Variants in ZNF410 observed in about 807,000 individuals in gnomAD.
ZNF410 encodes another partner for ARF 1.
ZNF410 carries 18 observed loss-of-function variants against 54.8 expected under a neutral mutation model. The ratio of observed to expected loss-of-function variants is 0.33; its 90% CI spans 0.23 to 0.49. The LOEUF (loss-of-function observed/expected upper bound fraction) is 0.49. ZNF410 is among the 20% of genes least tolerant of loss of function. ZNF410 has a pLI of 0.99. For synonymous variants in ZNF410, 191 were observed against 207.3 expected (o/e 0.92, Z 0.68); for missense variants, 405 against 569.6 (o/e 0.71, Z 2.94).
chr14:73,917,033 A>C (rs1223139778), intron 8 of ZNF410, among the ~76,000 whole-genome samples: 1 of 152,256 alleles, frequency 6.6e-6, no homozygotes, highest in Non-Finnish European at 1.5e-5. Flanking sequence ...TTTCGGTGGA[A>C]AGAACTAAAG....
chr14:73,909,986 A>G (rs1219255816), intron 8 of ZNF410, among the ~76,000 whole-genome samples: 1 of 152,184 alleles, frequency 6.6e-6, no homozygotes, highest in Non-Finnish European at 1.5e-5. Flanking sequence ...GCCTTAAATT[A>G]ATTCCCTGCA....
intron 8 of ZNF410, among the ~76,000 whole-genome samples, chr14:73,918,400 T>A (rs2055701592): frequency 6.6e-6 from 1 of 152,062 alleles, no homozygotes; most frequent in South Asian, 2.1e-4. Flanking sequence ...GCGCCTGGCC[T>A]GTTATTTTTT....
intron 1 of ZNF410, among the ~76,000 whole-genome samples, chr14:73,889,655 A>G (rs1025914189): frequency 5.9e-5 from 9 of 152,136 alleles, no homozygotes; most frequent in South Asian, 4.1e-4. Context: ...TCCTCTCTAA[A>G]TAGAGGGATG....
chr14:73,925,243 G>A (rs1367645598), intron 11 of ZNF410, among the ~76,000 whole-genome samples: 1 of 152,164 alleles, frequency 6.6e-6, no homozygotes, highest in African/African-American at 2.4e-5. Context: ...GCTTTGGAAT[G>A]AATCATACAT....
intron 5 of ZNF410, 37 bp from the exon 6 acceptor site, chr14:73,903,923 T>TCAGATA (rs2055444392): frequency 1.9e-6 from 3 of 1,612,620 alleles, no homozygotes; most frequent in Non-Finnish European, 1.7e-6. Context: ...CTGAGTAGGG[T>TCAGATA]CTTTCCCTGG....
At chr14:73,909,083 C>T (rs1279534137) in intron 7 of ZNF410, among the ~76,000 whole-genome samples, 1 of 152,172 alleles carries the variant, frequency 6.6e-6, no homozygotes, top group African/African-American at 2.4e-5. Context: ...TAATGCAACT[C>T]TCCAGCTCTT....
At chr14:73,912,458 C>T (rs1391047619) in intron 8 of ZNF410, among the ~76,000 whole-genome samples, 1 of 152,308 alleles carries the variant, frequency 6.6e-6, no homozygotes, top group East Asian at 1.9e-4. Flanking sequence ...CGTGCCACCA[C>T]ACCCAGCCAA....
chr14:73,904,500 G>C (rs996124794), intron 6 of ZNF410, among the ~76,000 whole-genome samples: 3 of 152,160 alleles, frequency 2.0e-5, no homozygotes, highest in Non-Finnish European at 4.4e-5. Context: ...ATCTCACTTT[G>C]TCACCCAGGG....
At chr14:73,905,847 TATAA>T (rs1302624975) in intron 7 of ZNF410, among the ~76,000 whole-genome samples, 1 of 151,478 alleles carries the variant, frequency 6.6e-6, no homozygotes, top group Non-Finnish European at 1.5e-5. Flanking sequence ...AAAATGCATA[TATAA>T]AAATATAAGG....
chr14:73,910,513 G>A (rs1430149485), intron 8 of ZNF410, among the ~76,000 whole-genome samples: 2 of 152,114 alleles, frequency 1.3e-5, no homozygotes, highest in Admixed American at 1.3e-4. Flanking sequence ...GGAGGCCGAG[G>A]CAGGTGGATC....
intron 8 of ZNF410, among the ~76,000 whole-genome samples, chr14:73,919,886 GTTTTT>G (rs1158550117): frequency 1.9e-4 from 12 of 62,044 alleles, no homozygotes; most frequent in African/African-American, 7.4e-4. Context: ...TATTGTATAG[GTTTTT>G]TTTTTTTTTT....
chr14:73,931,461 T>A, intron 11 of ZNF410, 42 bp from the exon 12 acceptor site: 2 of 1,558,412 alleles, frequency 1.3e-6, no homozygotes, highest in Non-Finnish European at 8.8e-7. Flanking sequence ...TTTCTATAAT[T>A]CAACTGTAAC....
At chr14:73,907,004 A>G (rs1436075198) in intron 7 of ZNF410, among the ~76,000 whole-genome samples, 3 of 152,170 alleles carry the variant, frequency 2.0e-5, no homozygotes, top group Non-Finnish European at 4.4e-5. Context: ...AATTAATATA[A>G]TAATAAAAGT....
intron 8 of ZNF410, among the ~76,000 whole-genome samples, chr14:73,917,387 C>T (rs1219111911): frequency 6.6e-6 from 1 of 151,796 alleles, no homozygotes; most frequent in Admixed American, 6.6e-5. Flanking sequence ...TACCATGTTC[C>T]CTCCCTCCTT....
At chr14:73,922,406 A>G in intron 10 of ZNF410, 200 bp downstream of exon 10, 2 of 389,402 alleles carry the variant, frequency 5.1e-6, no homozygotes, top group Non-Finnish European at 8.8e-6. Context: ...ATAATATAAT[A>G]AAAGAATAAA....
chr14:73,896,583 A>T, intron 4 of ZNF410, 49 bp downstream of exon 4: 1 of 1,444,316 alleles, frequency 6.9e-7, no homozygotes, highest in Non-Finnish European at 9.6e-7. Flanking sequence ...GAAAAAAATT[A>T]GGGGTGGGGC....
intron 1 of ZNF410, among the ~76,000 whole-genome samples, chr14:73,891,334 C>T (rs1414416013): frequency 2.0e-5 from 3 of 151,846 alleles, no homozygotes; most frequent in Non-Finnish European, 2.9e-5. Context: ...CTTGTTGTTG[C>T]ATTGTCTTCA....
In ZNF410 at chr14:73,893,850, A is replaced by T; in HGVS notation, c.87A>T (p.Val29=). 6.2e-7 allele frequency: 1 copy of T among 1,614,154 alleles called. No individual in the cohort carries two copies. The highest frequency in any genetic ancestry group is 8.5e-7 in the Non-Finnish European group (1 of 1,180,022). ...CCATCCCATTGGGACAGGGGCTTGT[A>T]GAATCAGAAGCTAAAGATATTACTT... ...NTSIPLGQGL[V]ESEAKDITCL... Residue 29 remains valine, a synonymous_variant, in exon 3 of 12, where the codon GTA becomes GTT. Coordinates refer to ENST00000555044, the MANE Select transcript of ZNF410 (RefSeq NM_021188.3).
At position 73,903,403 on chromosome 14, in the gene ZNF410, GTC is replaced by G. The variant is rs2055437291; in HGVS notation, c.581-555_581-554del. Reference sequence around the variant, plus strand: ...CTCTTACATTTGTCAAAGAGGCCTAGTCTTGTGAAACAAAGCATGATAGTTTT... The same window carrying G: ...CTCTTACATTTGTCAAAGAGGCCTAGTTGTGAAACAAAGCATGATAGTTTT... On this transcript the variant is annotated intron_variant, in intron 5 of 11. Transcript: ENST00000555044. Among the ~76,000 whole-genome samples the G allele has an allele frequency of 2.0e-5, 3 of 152,314 alleles. No homozygotes were observed. In the South Asian group the frequency reaches 6.2e-4, roughly 32 times the overall value.
Sources: gnomAD v4.1 joint callset for allele counts (sites outside exome capture counted in the v4.1 genomes callset) on GRCh38, gnomAD v4.1.1 for gene constraint, MANE v1.5 for transcripts, NCBI Gene and HGNC (gene_info 2026-07-23, HGNC 2026-07-21) for gene names.